Variants in ISLR2 observed in about 807,000 individuals in gnomAD.
ISLR2 encodes immunoglobulin superfamily containing leucine rich repeat 2.
Under a neutral mutation model 25.5 loss-of-function variants are expected in ISLR2, and 16 were observed. That is an observed-to-expected ratio of 0.63 (90% CI 0.43 to 0.95). ISLR2 has a LOEUF of 0.95. ISLR2 is among the 40% of genes least tolerant of loss of function. ISLR2 has a pLI of 0.00. For synonymous variants in ISLR2, 508 were observed against 486.6 expected (o/e 1.04, Z -0.58); for missense variants, 883 against 1,030.7 (o/e 0.86, Z 1.96).
chr15:74,122,517 C>T (rs1004810874), intron 2 of ISLR2, among the ~76,000 whole-genome samples: 37 of 152,204 alleles, frequency 2.4e-4, no homozygotes, highest in Non-Finnish European at 1.3e-4. Flanking sequence ...GGGATCAGTC[C>T]AACATTGAGA....
rs1213373883 is a variant in ISLR2 at position 74,133,642 on chromosome 15, G to A, written c.888G>A (p.Gly296=). Reference sequence around the variant, plus strand: ...TGAGCGGGGAGGACGACGGGGTTGGGGCGGAGGAAGGAGAGGGAGAAGGAG... The same window carrying A: ...TGAGCGGGGAGGACGACGGGGTTGGAGCGGAGGAAGGAGAGGGAGAAGGAG... ...PVLSGEDDGV[G]AEEGEGEGDG... is the part of the protein sequence containing the mutation. The change falls in exon 3 of 3, where the codon GGG becomes GGA. Residue 296 remains glycine (G), a synonymous_variant. Coordinates refer to ENST00000453268, the MANE Select transcript of ISLR2 (RefSeq NM_020851.3). 4 of 1,613,070 alleles carry A rather than the reference G, an allele frequency of 2.5e-6. No homozygotes were observed. The highest frequency in any genetic ancestry group is 4.5e-5 in the East Asian group (2 of 44,812).
Position 74,134,113 on chromosome 15 carries a change from G to A in ISLR2, c.1359G>A (p.Pro453=), listed in dbSNP as rs147968872. Residue 453 remains proline, a synonymous_variant, in exon 3 of 3, where the codon CCG becomes CCA. Transcript: ENST00000453268. The part of the protein sequence containing the change: ...EEAEDQILAD[P]AEEQRCGNGD... ...CCGAAGACCAGATCCTCGCGGACCC[G>A]GCGGAGGAGCAGCGCTGTGGCAACG... 6.2e-7 allele frequency: 1 copy of A among 1,613,688 alleles called. No homozygotes were observed. The highest frequency in any genetic ancestry group is 2.2e-5 in the East Asian group (1 of 44,856).
At position 74,135,216 on chromosome 15, in the gene ISLR2, T is replaced by G. The variant is rs2072544174; in HGVS notation, c.*224T>G. 1 of 599,348 alleles carries G rather than the reference T, an allele frequency of 1.7e-6. No homozygotes were observed. The highest frequency in any genetic ancestry group is 3.0e-6 in the Non-Finnish European group (1 of 329,758). 37.1% of individuals were successfully genotyped at this position (599,348 alleles called of 1,614,324 possible). ...ATTCTCCCTGCGGGCTGAATCCCCTTCCCCGCCAAGCACAGTGTTTATCTT... is the reference window on the plus strand; with the variant it reads ...ATTCTCCCTGCGGGCTGAATCCCCTGCCCCGCCAAGCACAGTGTTTATCTT... On this transcript the variant is annotated 3_prime_UTR_variant, in exon 3 of 3. Coordinates refer to ENST00000453268, the MANE Select transcript of ISLR2 (RefSeq NM_020851.3).
At chr15:74,108,951 A>G (rs2072144289) in intron 2 of ISLR2, among the ~76,000 whole-genome samples, 1 of 152,172 alleles carries the variant, frequency 6.6e-6, no homozygotes, top group Admixed American at 6.5e-5. Context: ...GGGCTGCTCT[A>G]TCTGGAAGGC....
chr15:74,120,978 T>G (rs1307703456), intron 2 of ISLR2, among the ~76,000 whole-genome samples: 2 of 151,976 alleles, frequency 1.3e-5, no homozygotes, highest in Non-Finnish European at 2.9e-5. Flanking sequence ...CTCTCCTTTT[T>G]TCTCTCCTCC....
intron 2 of ISLR2, among the ~76,000 whole-genome samples, chr15:74,108,263 G>A (rs1408306590): frequency 6.6e-6 from 1 of 152,188 alleles, no homozygotes; most frequent in African/African-American, 2.4e-5. Context: ...CCCCTTGCCT[G>A]CAGCTGTTGT....
At chr15:74,112,177 T>A (rs986763191) in intron 2 of ISLR2, among the ~76,000 whole-genome samples, 1 of 152,234 alleles carries the variant, frequency 6.6e-6, no homozygotes, top group Non-Finnish European at 1.5e-5. Flanking sequence ...ATTGGATGAC[T>A]GGCATCTATA....
At chr15:74,129,419 A>G (rs958421764), upstream of ISLR2, 4 of 194,530 alleles carry the variant, frequency 2.1e-5, no homozygotes, top group Non-Finnish European at 3.2e-5. This position sits in a 1 kb window ranked among gnomAD's most constrained non-coding sequence, Gnocchi z 4.5. Flanking sequence ...AACCCTCGCC[A>G]TCGAGAGACC....
chr15:74,114,535 A>C (rs2072195864), intron 2 of ISLR2, among the ~76,000 whole-genome samples: 1 of 151,916 alleles, frequency 6.6e-6, no homozygotes, highest in Non-Finnish European at 1.5e-5. Flanking sequence ...AGGTGGGAGG[A>C]TCGCTTGAGG....
chr15:74,121,835 G>C (rs951643908), intron 2 of ISLR2, among the ~76,000 whole-genome samples: 1 of 152,190 alleles, frequency 6.6e-6, no homozygotes, highest in African/African-American at 2.4e-5. Flanking sequence ...CTCTGCCCCA[G>C]CCAGCTGCCT....
In ISLR2 at chr15:74,134,898, C is replaced by A. The variant is rs780875337; in HGVS notation, c.2144C>A (p.Ala715Glu). ...AAGGCCAACCAAGAGGAGTTCGAGGCGGGCTCTGAGTACAGCGATCGGCTG... is the reference window on the plus strand; with the variant it reads ...AAGGCCAACCAAGAGGAGTTCGAGGAGGGCTCTGAGTACAGCGATCGGCTG... ...QSKANQEEFE[A>E]GSEYSDRLPL... The change falls in exon 3 of 3, where the codon GCG (alanine) becomes GAG (glutamate). Residue 715 changes from alanine (A) to glutamate (E), a missense_variant. Around this residue, in one of 2 missense-constraint regions of ISLR2, gnomAD observed 612 missense variants for 642.8 expected, o/e 0.95. Transcript: ENST00000453268. 74 of 1,614,008 alleles carry A rather than the reference C, an allele frequency of 4.6e-5. No individual in the cohort carries two copies. Among genetic ancestry groups the A allele is most frequent in the Non-Finnish European group, 6.3e-5 (74 of 1,180,028 alleles).
upstream of ISLR2, among the ~76,000 whole-genome samples, chr15:74,124,429 G>C (rs1412953210): frequency 1.3e-5 from 2 of 152,112 alleles, no homozygotes; most frequent in African/African-American, 4.8e-5. Flanking sequence ...CTTCGGAAAA[G>C]AGAAGCCTGT....
downstream of ISLR2, among the ~76,000 whole-genome samples, chr15:74,137,862 C>G (rs1276092230): frequency 1.3e-5 from 2 of 152,344 alleles, no homozygotes; most frequent in African/African-American, 4.8e-5. Flanking sequence ...CAGGTCTGTC[C>G]TCTGGCATAG....
chr15:74,117,809 C>A (rs955513811), intron 2 of ISLR2, among the ~76,000 whole-genome samples: 5 of 152,202 alleles, frequency 3.3e-5, no homozygotes, highest in African/African-American at 1.2e-4. Flanking sequence ...ATCACTCTAG[C>A]CTTCCTACCA....
chr15:74,134,699 G>A lies in ISLR2; in HGVS notation c.1945G>A (p.Ala649Thr). 6.2e-7 allele frequency: 1 copy of A among 1,614,162 alleles called. No individual in the cohort carries two copies. Residue 649 changes from alanine (A) to threonine (T), a missense_variant, in exon 3 of 3, where the codon GCT becomes ACT. Coordinates refer to ENST00000453268, the MANE Select transcript of ISLR2 (RefSeq NM_020851.3). ...KRIAADFDPRASYLESEKSYP... is the reference protein window; with the variant it reads ...KRIAADFDPRTSYLESEKSYP... ...CATCGCCGCAGACTTCGACCCGCGT[G>A]CTTCGTACCTCGAGTCCGAGAAAAG...
At chr15:74,118,215 C>T (rs1485041036) in intron 2 of ISLR2, among the ~76,000 whole-genome samples, 1 of 152,016 alleles carries the variant, frequency 6.6e-6, no homozygotes, top group Non-Finnish European at 1.5e-5. Context: ...TGTGATGCCC[C>T]CCGAGCCGTA....
chr15:74,110,848 G>A (rs948742732), intron 2 of ISLR2, among the ~76,000 whole-genome samples: 27 of 152,018 alleles, frequency 1.8e-4, no homozygotes, highest in Admixed American at 1.4e-3. Context: ...AATCCCAGCT[G>A]CTTGGGAGGC....
downstream of ISLR2, among the ~76,000 whole-genome samples, chr15:74,137,578 AGAAAGGAGACTGTGCTCCTG>A (rs2072583125): frequency 3.3e-5 from 5 of 152,354 alleles, no homozygotes; most frequent in Admixed American, 3.3e-4. Context: ...AGGGGGATCA[AGAAAGGAGACTGTGCTCCTG>A]GCCAGCCTAA....
At chr15:74,125,352 C>CT (rs2072286662), upstream of ISLR2, among the ~76,000 whole-genome samples, 1 of 152,158 alleles carries the variant, frequency 6.6e-6, no homozygotes, top group Admixed American at 6.5e-5. Flanking sequence ...ATCCTCTGGT[C>CT]TCAGTCTCCC....
Sources: gnomAD v4.1 joint callset for allele counts (sites outside exome capture counted in the v4.1 genomes callset) on GRCh38, gnomAD v4.1.1 for gene constraint, gnomAD v4.1.1 regional missense constraint, Gnocchi (gnomAD v3.1) non-coding constraint, MANE v1.5 for transcripts, NCBI Gene and HGNC (gene_info 2026-07-23, HGNC 2026-07-21) for gene names.